TULP3: variants seen among roughly 807,000 people sequenced by gnomAD.
The protein encoded by TULP3 is TUB like protein 3.
TULP3 carries 38 observed loss-of-function variants against 50.7 expected under a neutral mutation model. That is an observed-to-expected ratio of 0.75 (90% CI 0.58 to 0.98). The LOEUF (loss-of-function observed/expected upper bound fraction) is 0.98, where lower values mean the gene tolerates loss of function less well. TULP3 is among the 50% of genes least tolerant of loss of function. TULP3 has a pLI of 0.00. For missense variants in TULP3, 550 were observed against 568.0 expected, an observed-to-expected ratio of 0.97 and a Z score of 0.32; for synonymous variants, 183 against 196.6, an observed-to-expected ratio of 0.93 and a Z score of 0.58.
At chr12:2,907,275 G>A (rs942259098) in intron 1 of TULP3, among the ~76,000 whole-genome samples, 3 of 151,996 alleles carry the variant, frequency 2.0e-5, no homozygotes, top group African/African-American at 4.8e-5. Flanking sequence ...TCAGGAGATC[G>A]AGACCATCCT....
At chr12:2,930,071 C>T (rs2098197036) in intron 4 of TULP3, among the ~76,000 whole-genome samples, 177 bp from the exon 5 acceptor site, 1 of 152,210 alleles carries the variant, frequency 6.6e-6, no homozygotes, top group African/African-American at 2.4e-5. Context: ...CCCTAGTAAC[C>T]TCTATTCTAC....
Position 2,940,772 on chromosome 12 carries a change from C to T in TULP3, c.*1328C>T, listed in dbSNP as rs1047341. ...GCGGGACCCTTGGCTTGTCCCCCAC[C>T]GACAAGTCCCACCTGCTGGGTGAGG... On this transcript the variant is annotated 3_prime_UTR_variant, in exon 11 of 11. Transcript: ENST00000448120. The T allele has an allele frequency of 0.21, 306,803 of 1,480,694 alleles. 32,400 individuals are homozygous for T. The highest frequency in any genetic ancestry group is 0.26 in the South Asian group (19,885 of 76,762). The allele number at this position is 1,480,694 out of a possible 1,614,324, so 91.7% of individuals were successfully genotyped here.
At position 2,890,967 on chromosome 12, in the gene TULP3, G is replaced by C. The variant is rs1479491653; in HGVS notation, c.20G>C (p.Arg7Pro). The change falls in exon 1 of 11, where the codon CGG (arginine) becomes CCG (proline). Residue 7 changes from arginine to proline, a missense_variant. Physicochemically the swap from Arg to Pro is moderately radical, Grantham distance 103. Coordinates refer to ENST00000448120, the MANE Select transcript of TULP3 (RefSeq NM_003324.5). MEASRCRLSPSGDSVFH... is the reference protein window; with the variant it reads MEASRCPLSPSGDSVFH... ...GCGGGCATGGAGGCTTCGCGCTGCC[G>C]GCTCAGTCCCAGCGGCGACAGGTCA... 6.3e-7 allele frequency: 1 copy of C among 1,597,264 alleles called. No individual in the cohort carries two copies. The highest frequency in any genetic ancestry group is 1.3e-5 in the African/African-American group (1 of 74,346).
intron 1 of TULP3, among the ~76,000 whole-genome samples, chr12:2,899,862 C>T (rs2098177924): frequency 7.2e-6 from 1 of 139,364 alleles, no homozygotes; most frequent in Non-Finnish European, 1.5e-5. Flanking sequence ...CACTGCACTC[C>T]AGCCTGGGCG....
intron 1 of TULP3, among the ~76,000 whole-genome samples, chr12:2,899,684 AAGT>A (rs1565496626): frequency 6.6e-6 from 1 of 152,018 alleles, no homozygotes; most frequent in African/African-American, 2.4e-5. Context: ...ACGAGGTCAG[AAGT>A]TCGAGACCAT....
At chr12:2,900,226 A>G (rs935990941) in intron 1 of TULP3, among the ~76,000 whole-genome samples, 7 of 152,132 alleles carry the variant, frequency 4.6e-5, no homozygotes, top group African/African-American at 1.7e-4. Context: ...TGTCTCAGAA[A>G]CAAAAACAAA....
At chr12:2,924,340 T>C (rs2098193506) in intron 4 of TULP3, among the ~76,000 whole-genome samples, 2 of 152,090 alleles carry the variant, frequency 1.3e-5, no homozygotes, top group Non-Finnish European at 2.9e-5. Context: ...GCTCTAATTA[T>C]ATGGGACCTA....
At chr12:2,934,853 G>A (rs2098200158) in intron 8 of TULP3, among the ~76,000 whole-genome samples, 1 of 151,856 alleles carries the variant, frequency 6.6e-6, no homozygotes. Context: ...AATTAAAGCT[G>A]ATCTTTTTTT....
Position 2,940,427 on chromosome 12 carries a change from C to A in TULP3, c.*983C>A. 4.1e-6 allele frequency: 6 copies of A among 1,468,422 alleles called. No individual in the cohort carries two copies. In the South Asian group the frequency reaches 7.1e-5, roughly 17 times the overall value. The allele number at this position is 1,468,422 out of a possible 1,614,324, so 91.0% of individuals were successfully genotyped here. Reference sequence around the variant, plus strand: ...AGAGCTGTGGACTTTCTTCTCGGCTCCCTCAACCCTGGCTCAGGCACAGAA... The same window carrying A: ...AGAGCTGTGGACTTTCTTCTCGGCTACCTCAACCCTGGCTCAGGCACAGAA... On this transcript the variant is annotated 3_prime_UTR_variant, in exon 11 of 11. Transcript: ENST00000448120.
In TULP3 at chr12:2,939,435, G is replaced by A. The variant is rs1192351748; in HGVS notation, c.1320G>A (p.Ala440=). The change falls in exon 11 of 11, where the codon GCG becomes GCA. Residue 440 remains alanine, a synonymous_variant. Coordinates refer to ENST00000448120, the MANE Select transcript of TULP3 (RefSeq NM_003324.5). This position sits in a 1 kb window ranked among gnomAD's most constrained non-coding sequence, Gnocchi z 4.0. ...IGLSSFDSKL[A]CE ...TTTCTAGCTTTGACAGTAAGCTGGC[G>A]TGTGAATGAGAGAACAGTCAGGCAG... 30 of 1,613,972 alleles carry A rather than the reference G, an allele frequency of 1.9e-5. No homozygotes were observed. Among genetic ancestry groups the A allele is most frequent in the Admixed American group, 5.0e-5 (3 of 59,978 alleles).
chr12:2,912,002 A>G (rs1217620234), intron 2 of TULP3, among the ~76,000 whole-genome samples: 2 of 151,932 alleles, frequency 1.3e-5, no homozygotes, highest in African/African-American at 4.8e-5. Flanking sequence ...TGTTAGAGCC[A>G]TGAAATGCCA....
intron 6 of TULP3, among the ~76,000 whole-genome samples, chr12:2,932,359 C>T (rs2098198586): frequency 1.3e-5 from 2 of 151,722 alleles, no homozygotes; most frequent in Admixed American, 1.3e-4. Context: ...CAGGTGGATC[C>T]CTTGAGGACA....
chr12:2,915,818 A>T (rs2098188324), intron 2 of TULP3, among the ~76,000 whole-genome samples: 1 of 152,060 alleles, frequency 6.6e-6, no homozygotes, highest in South Asian at 2.1e-4. Context: ...TGCTGCGATT[A>T]CAGGCGTGAG....
At chr12:2,933,150 C>T (rs1457841313) in intron 6 of TULP3, among the ~76,000 whole-genome samples, 1 of 152,000 alleles carries the variant, frequency 6.6e-6, no homozygotes, top group East Asian at 1.9e-4. Flanking sequence ...ACGGTGTTAG[C>T]CAGGATGGTC....
chr12:2,909,623 T>G (rs1248661417), intron 2 of TULP3, 43 bp downstream of exon 2: 1 of 1,549,334 alleles, frequency 6.5e-7, no homozygotes, highest in Non-Finnish European at 8.7e-7. Flanking sequence ...CCAACTATAC[T>G]GACCGTGATG....
In TULP3 at chr12:2,907,767, T is replaced by G. The variant is rs142518687; in HGVS notation, c.42-1762T>G. On this transcript the variant is annotated intron_variant, in intron 1 of 10. Transcript: ENST00000448120. ...CTATATTAATGAAGGATTTTTAAAT[T>G]TGGGATTTAAAAATACATGACTGCA... Among the ~76,000 whole-genome samples the G allele has an allele frequency of 5.2e-3, 786 of 152,248 alleles. 5 individuals are homozygous for G. The highest frequency in any genetic ancestry group is 0.018 in the African/African-American group (729 of 41,552).
At chr12:2,930,648 C>A (rs2098197433) in intron 5 of TULP3, among the ~76,000 whole-genome samples, 1 of 152,128 alleles carries the variant, frequency 6.6e-6, no homozygotes, top group African/African-American at 2.4e-5. Flanking sequence ...TGGTCTCGAT[C>A]TCCTGACCTC....
At position 2,902,852 on chromosome 12, in the gene TULP3, A is replaced by G. The variant is rs114017896; in HGVS notation, c.42-6677A>G. On this transcript the variant is annotated intron_variant, in intron 1 of 10. Coordinates refer to ENST00000448120, the MANE Select transcript of TULP3 (RefSeq NM_003324.5). Reference sequence around the variant, plus strand: ...TGAGCATAATTTAGGTGCTAGATTAAAGGGCAATGGGATTTTTTTTTTTTT... The same window carrying G: ...TGAGCATAATTTAGGTGCTAGATTAGAGGGCAATGGGATTTTTTTTTTTTT... Among the ~76,000 whole-genome samples, 769 of 149,528 alleles carry G rather than the reference A, an allele frequency of 5.1e-3. 10 individuals are homozygous for G. Among genetic ancestry groups the G allele is most frequent in the African/African-American group, 0.018 (742 of 40,370 alleles).
At chr12:2,919,757 G>GT (rs973625099) in intron 2 of TULP3, among the ~76,000 whole-genome samples, 10 of 149,758 alleles carry the variant, frequency 6.7e-5, no homozygotes, top group African/African-American at 9.8e-5. Flanking sequence ...CATTTCATTG[G>GT]TTTTTTTTTC....
Sources: allele counts gnomAD v4.1 joint callset (sites outside exome capture counted in the v4.1 genomes callset), GRCh38; gene constraint gnomAD v4.1.1; non-coding constraint Gnocchi (gnomAD v3.1); transcripts MANE v1.5; gene names NCBI Gene and HGNC (gene_info 2026-07-23, HGNC 2026-07-21).